The following RCC1L variants were observed in gnomAD, a reference collection of about 807,000 sequenced individuals.
RCC1L encodes the protein RCC1 like.
RCC1L carries 46 observed loss-of-function variants against 58.6 expected under a neutral mutation model. The observed-to-expected ratio is 0.79, with a 90% confidence interval of 0.62 to 1.00. RCC1L has a LOEUF of 1.00. Among genes scored for constraint, RCC1L ranks in the 50% least tolerant of loss-of-function variants. The pLI, the probability that RCC1L is intolerant of heterozygous loss-of-function variation, is 0.00. For synonymous variants in RCC1L, 281 were observed against 262.9 expected, an observed-to-expected ratio of 1.07 and a Z score of -0.67; for missense variants, 636 against 623.6, an observed-to-expected ratio of 1.02 and a Z score of -0.21.
At chr7:75,028,019 C>A in exon 11 of RCC1L, 1 of 1,534,842 alleles carries the variant, frequency 6.5e-7, no homozygotes, top group Non-Finnish European at 8.7e-7. Context: ...TGCCGTCCAT[C>A]CCCCGGAGGT....
At chr7:75,048,764 G>A (rs1028983686) in intron 10 of RCC1L, among the ~76,000 whole-genome samples, 6 of 152,238 alleles carry the variant, frequency 3.9e-5, no homozygotes, top group East Asian at 3.8e-4. Context: ...GCCAGACAAC[G>A]CCTGGTCAAA....
chr7:75,043,372 C>A (rs2131976904), intron 10 of RCC1L, among the ~76,000 whole-genome samples: 1 of 152,374 alleles, frequency 6.6e-6, no homozygotes, highest in East Asian at 1.9e-4. Context: ...CATCCCAACT[C>A]CCTCCAGTCA....
chr7:75,063,647 G>A (rs895925833), intron 4 of RCC1L, among the ~76,000 whole-genome samples: 22 of 152,124 alleles, frequency 1.4e-4, no homozygotes, highest in Non-Finnish European at 2.6e-4. Flanking sequence ...CACCGGGCGC[G>A]GTGGGTCACG....
At chr7:75,027,906 T>G in exon 11 of RCC1L, 1 of 1,052,172 alleles carries the variant, frequency 9.5e-7, no homozygotes, top group Non-Finnish European at 1.4e-6. Context: ...TATCTCCTGG[T>G]CTGCTGGGTG....
At chr7:75,056,717 C>T in intron 8 of RCC1L, 1 of 1,535,380 alleles carries the variant, frequency 6.5e-7, no homozygotes, top group Non-Finnish European at 8.7e-7. Context: ...AGCTCTGTGG[C>T]CATGTATCTA....
intron 3 of RCC1L, among the ~76,000 whole-genome samples, chr7:75,066,221 G>A (rs998298339): frequency 2.0e-5 from 3 of 152,186 alleles, no homozygotes; most frequent in South Asian, 2.1e-4. Context: ...GGAGGCTAAG[G>A]CGGGCGGATC....
intron 4 of RCC1L, among the ~76,000 whole-genome samples, chr7:75,064,187 G>C (rs1372750760): frequency 1.3e-5 from 2 of 151,710 alleles, no homozygotes; most frequent in East Asian, 3.9e-4. Flanking sequence ...AAAATTAGCC[G>C]GGCCTGCTGG....
chr7:75,072,651 T>C (rs111710492), intron 1 of RCC1L, among the ~76,000 whole-genome samples: 2 of 152,198 alleles, frequency 1.3e-5, no homozygotes, highest in East Asian at 1.9e-4. Flanking sequence ...TCCAGTGAGG[T>C]TGGATATAGA....
intron 10 of RCC1L, among the ~76,000 whole-genome samples, chr7:75,046,703 C>T (rs1403283269): frequency 3.9e-5 from 6 of 152,360 alleles, no homozygotes; most frequent in African/African-American, 1.2e-4. Context: ...CTCACAACTC[C>T]GCTGCTGAGG....
intron 1 of RCC1L, among the ~76,000 whole-genome samples, chr7:75,071,695 G>T (rs782220964): frequency 1.3e-5 from 2 of 151,970 alleles, no homozygotes; most frequent in Non-Finnish European, 2.9e-5. Flanking sequence ...TAGCGCGGTA[G>T]GTAAGTTGAC....
chr7:75,062,197 G>A (rs1428446847), intron 5 of RCC1L, among the ~76,000 whole-genome samples: 1 of 152,006 alleles, frequency 6.6e-6, no homozygotes, highest in Non-Finnish European at 1.5e-5. Context: ...GGAGATGTCT[G>A]GTAACTTGCA....
intron 10 of RCC1L, among the ~76,000 whole-genome samples, chr7:75,050,625 A>C (rs1168979352): frequency 1.3e-5 from 2 of 152,214 alleles, no homozygotes; most frequent in Non-Finnish European, 2.9e-5. Flanking sequence ...GTGAGAGAAG[A>C]GAGGAGTCAG....
chr7:75,039,528 C>G (rs921417809), downstream of RCC1L, among the ~76,000 whole-genome samples: 12 of 152,146 alleles, frequency 7.9e-5, no homozygotes, highest in Non-Finnish European at 1.8e-4. Flanking sequence ...ATCTCTTCCC[C>G]GAAGAAATTA....
In RCC1L at chr7:75,042,496, C is replaced by T. The variant is rs1805594763; in HGVS notation, c.*536G>A. 6 of 990,638 alleles carry T rather than the reference C, an allele frequency of 6.1e-6. No homozygotes were observed. Among genetic ancestry groups the T allele is most frequent in the Non-Finnish European group, 7.2e-6 (6 of 832,776 alleles). The allele number at this position is 990,638 out of a possible 1,614,324, so 61.4% of individuals were successfully genotyped here. A position where few individuals can be genotyped will look rare whatever the true frequency, so the allele number is the denominator to read the frequency against. ...CCCAGGCCACGGTGCTTCTAGTGTC[C>T]CCCCAGCGAGCTTGCGGTGTGGCAG... On this transcript the variant is annotated 3_prime_UTR_variant, in exon 11 of 11. Coordinates refer to ENST00000610322, the MANE Select transcript of RCC1L (RefSeq NM_030798.5).
intron 10 of RCC1L, among the ~76,000 whole-genome samples, chr7:75,044,050 C>T (rs1269266341): frequency 6.6e-6 from 1 of 152,128 alleles, no homozygotes; most frequent in African/African-American, 2.4e-5. Context: ...GAGGACAGCC[C>T]AAGCTTCAAG....
chr7:75,038,377 G>C (rs1470077500), downstream of RCC1L, among the ~76,000 whole-genome samples: 1 of 151,730 alleles, frequency 6.6e-6, no homozygotes, highest in African/African-American at 2.4e-5. Flanking sequence ...TCAGCCTCCT[G>C]AGTAGCTGGG....
At chr7:75,065,929 A>AATTGCT (rs1563078864) in intron 3 of RCC1L, among the ~76,000 whole-genome samples, 1 of 151,170 alleles carries the variant, frequency 6.6e-6, no homozygotes, top group African/African-American at 2.4e-5. Flanking sequence ...GAGGCAGGAG[A>AATTGCT]ATTGCTTGAA....
intron 1 of RCC1L, 45 bp from the exon 2 acceptor site, chr7:75,070,814 A>C (rs1554445977): frequency 1.2e-6 from 2 of 1,608,944 alleles, no homozygotes; most frequent in Non-Finnish European, 1.7e-6. Context: ...TATAATGTCA[A>C]GTTTGTTCAG....
chr7:75,031,324 G>A (rs957944373), intron 10 of RCC1L, among the ~76,000 whole-genome samples: 5 of 152,028 alleles, frequency 3.3e-5, no homozygotes, highest in African/African-American at 1.2e-4. Context: ...GCGTTCCATC[G>A]CTCCCAAGAT....
Sources: allele counts gnomAD v4.1 joint callset (sites outside exome capture counted in the v4.1 genomes callset), GRCh38; gene constraint gnomAD v4.1.1; transcripts MANE v1.5; gene names NCBI Gene and HGNC (gene_info 2026-07-23, HGNC 2026-07-21).